Variants in NEK1 observed in about 807,000 individuals in gnomAD.
NEK1 encodes NIMA related kinase 1, also known as serine/threonine-protein kinase Nek1.
Under a neutral mutation model 182.1 loss-of-function variants are expected in NEK1, and 137 were observed. The ratio of observed to expected loss-of-function variants is 0.75; its 90% CI spans 0.65 to 0.87. The LOEUF is 0.87. Ranked by LOEUF, NEK1 falls within the 40% of genes least tolerant of loss-of-function variation. The pLI is 0.00. For synonymous variants in NEK1, 513 were observed against 492.2 expected (o/e 1.04, Z -0.56); for missense variants, 1,391 against 1,494.4 (o/e 0.93, Z 1.14).
chr4:169,588,789 T>A, intron 7 of NEK1, 54 bp from the exon 8 acceptor site: 1 of 1,131,032 alleles, frequency 8.8e-7, no homozygotes, highest in Non-Finnish European at 1.3e-6. Flanking sequence ...ATGTGCCACA[T>A]TAATGTTGTT....
intron 12 of NEK1, among the ~76,000 whole-genome samples, chr4:169,566,960 T>C (rs1185887822): frequency 1.3e-5 from 2 of 152,018 alleles, no homozygotes; most frequent in African/African-American, 2.4e-5. Context: ...CTGGGTGTGG[T>C]AGTATGCACA....
intron 5 of NEK1, among the ~76,000 whole-genome samples, chr4:169,593,797 G>C (rs931814581): frequency 1.3e-5 from 2 of 152,068 alleles, no homozygotes; most frequent in African/African-American, 2.4e-5. Context: ...GACCATCCTG[G>C]CTAACACGGT....
At chr4:169,572,736 G>T (rs1470156161) in intron 12 of NEK1, among the ~76,000 whole-genome samples, 1 of 152,042 alleles carries the variant, frequency 6.6e-6, no homozygotes, top group Non-Finnish European at 1.5e-5. Flanking sequence ...GGACTCAAAT[G>T]AAGAAAATAT....
At chr4:169,534,083 C>A (rs546517843) in intron 19 of NEK1, among the ~76,000 whole-genome samples, 1 of 152,300 alleles carries the variant, frequency 6.6e-6, no homozygotes, top group South Asian at 2.1e-4. Context: ...TAAAGCAGAA[C>A]CTTTAAAGTT....
intron 23 of NEK1, among the ~76,000 whole-genome samples, chr4:169,506,162 G>A (rs1263718246): frequency 6.6e-6 from 1 of 151,232 alleles, no homozygotes; most frequent in African/African-American, 2.4e-5. Flanking sequence ...AACAATAAGT[G>A]TAAAAAGGAG....
intron 26 of NEK1, among the ~76,000 whole-genome samples, chr4:169,465,122 TTA>T (rs1744677876): frequency 1.3e-5 from 2 of 152,068 alleles, no homozygotes; most frequent in African/African-American, 4.8e-5. Context: ...CAGATAATAA[TTA>T]GTTTCATACA....
At chr4:169,471,914 C>T (rs2149529750) in intron 26 of NEK1, among the ~76,000 whole-genome samples, 1 of 152,258 alleles carries the variant, frequency 6.6e-6, no homozygotes, top group East Asian at 1.9e-4. Context: ...TTCAAACTTT[C>T]TGTCAGCTTT....
At chr4:169,484,523 T>C (rs1748700638) in intron 23 of NEK1, among the ~76,000 whole-genome samples, 1 of 151,772 alleles carries the variant, frequency 6.6e-6, no homozygotes, top group Admixed American at 6.6e-5. Flanking sequence ...GACTGTAAAT[T>C]AGAAAAGAAA....
At position 169,400,593 on chromosome 4, in the gene NEK1, T is replaced by C. The variant is rs749622486; in HGVS notation, c.3642A>G (p.Leu1214=). The change falls in exon 34 of 36, where the codon TTA becomes TTG. Residue 1214 remains leucine, a synonymous_variant. Transcript: ENST00000507142. ...ECECDSVFNH[L]EELRLHLEQE... ...GCTCCAGATGAAGTCTCAGTTCCTCTAAATGGTTAAAGACACTATCGCATT... is the reference window on the plus strand; with the variant it reads ...GCTCCAGATGAAGTCTCAGTTCCTCCAAATGGTTAAAGACACTATCGCATT... 1 of 1,608,350 alleles carries C rather than the reference T, an allele frequency of 6.2e-7. No homozygotes were observed. Among genetic ancestry groups the C allele is most frequent in the Non-Finnish European group, 8.5e-7 (1 of 1,177,154 alleles).
At chr4:169,426,589 CA>C (rs1219662987) in intron 29 of NEK1, among the ~76,000 whole-genome samples, 1 of 152,178 alleles carries the variant, frequency 6.6e-6, no homozygotes, top group Non-Finnish European at 1.5e-5. Flanking sequence ...TAACGCCCAG[CA>C]ATTAGTTGGG....
At chr4:169,505,345 C>G (rs1345051596) in intron 23 of NEK1, among the ~76,000 whole-genome samples, 1 of 151,984 alleles carries the variant, frequency 6.6e-6, no homozygotes, top group African/African-American at 2.4e-5. Context: ...TCAGCCTACT[C>G]CACCTGAAGA....
At chr4:169,412,680 G>A (rs1217221190) in intron 31 of NEK1, among the ~76,000 whole-genome samples, 3 of 152,164 alleles carry the variant, frequency 2.0e-5, no homozygotes, top group East Asian at 1.9e-4. Flanking sequence ...ATTAGATGCT[G>A]AGGATATAAT....
At chr4:169,451,882 A>G (rs879150136) in intron 27 of NEK1, among the ~76,000 whole-genome samples, 5 of 152,164 alleles carry the variant, frequency 3.3e-5, no homozygotes, top group African/African-American at 1.2e-4. Context: ...TTGATAGACC[A>G]CTAGCAAGAC....
chr4:169,570,466 G>GC lies in NEK1; in HGVS notation c.1020+6461dup, dbSNP rs557302120. On this transcript the variant is annotated intron_variant, in intron 12 of 35. Coordinates refer to ENST00000507142, the MANE Select transcript of NEK1 (RefSeq NM_001199397.3). ...GTCTGGGAGGGAGGTGGGGGGATCAGCCCCCCGCCCGGCCAGCCGCCCCGT... is the reference window on the plus strand; with the variant it reads ...GTCTGGGAGGGAGGTGGGGGGATCAGCCCCCCCGCCCGGCCAGCCGCCCCGT... Among the ~76,000 whole-genome samples, 352 of 150,208 alleles carry GC rather than the reference G, an allele frequency of 2.3e-3. 6 individuals carry two copies. The highest frequency in any genetic ancestry group is 8.3e-3 in the African/African-American group (339 of 40,738).
Position 169,406,609 on chromosome 4 carries a change from C to A in NEK1, c.3361G>T (p.Asp1121Tyr). 2 of 1,600,020 alleles carry A rather than the reference C, an allele frequency of 1.2e-6. No homozygotes were observed. Among genetic ancestry groups the A allele is most frequent in the East Asian group, 4.5e-5 (2 of 44,562 alleles). The change falls in exon 32 of 36, where the codon GAT becomes TAT. Residue 1121 changes from aspartate (D) to tyrosine (Y), a missense_variant. Physicochemically the swap from Asp to Tyr is radical, Grantham distance 160. Coordinates refer to ENST00000507142, the MANE Select transcript of NEK1 (RefSeq NM_001199397.3). ...EDENIKEGPS[D>Y]SEDIVFEETD... is the part of the protein sequence containing the mutation. ...CATTATACTTACATGTCTTCAGAAT[C>A]AGAAGGTCCTTCTTTAATGTTTTCA...
chr4:169,515,213 A>C (rs1754960924), intron 19 of NEK1, among the ~76,000 whole-genome samples: 1 of 152,162 alleles, frequency 6.6e-6, no homozygotes, highest in Non-Finnish European at 1.5e-5. Context: ...TCAGTATATT[A>C]TCTTGATGAA....
At chr4:169,494,311 A>G (rs563987925) in intron 23 of NEK1, among the ~76,000 whole-genome samples, 40 of 151,912 alleles carry the variant, frequency 2.6e-4, no homozygotes, top group South Asian at 4.2e-4. Context: ...ATGTGTTCTC[A>G]TTGTTCAATT....
At chr4:169,483,614 C>T (rs1011059210) in intron 23 of NEK1, among the ~76,000 whole-genome samples, 29 of 152,140 alleles carry the variant, frequency 1.9e-4, no homozygotes, top group Admixed American at 6.5e-5. Flanking sequence ...CACCTGTAAT[C>T]CCAGCACTTT....
At position 169,561,679 on chromosome 4, in the gene NEK1, CCT is replaced by C. The variant is rs775525607; in HGVS notation, c.1191+6_1191+7del. ...GAAAAAAGTATATTTAATAGATTATCCTCTTACCCTTTCCTTTTCTTGCCTTT... is the reference window on the plus strand; with the variant it reads ...GAAAAAAGTATATTTAATAGATTATCCTTACCCTTTCCTTTTCTTGCCTTT... On this transcript the variant is annotated splice_donor_region_variant and intron_variant, in intron 15 of 35. Coordinates refer to ENST00000507142, the MANE Select transcript of NEK1 (RefSeq NM_001199397.3). 2.2e-5 allele frequency: 34 copies of C among 1,565,670 alleles called. No individual in the cohort carries two copies. Among genetic ancestry groups the C allele is most frequent in the Non-Finnish European group, 2.4e-5 (28 of 1,153,722 alleles).
Sources: gnomAD v4.1 joint callset for allele counts (sites outside exome capture counted in the v4.1 genomes callset) on GRCh38, gnomAD v4.1.1 for gene constraint, MANE v1.5 for transcripts, NCBI Gene and HGNC (gene_info 2026-07-23, HGNC 2026-07-21) for gene names.